Variants in PIEZO2 observed in about 807,000 individuals in gnomAD.
PIEZO2 encodes the protein piezo-type mechanosensitive ion channel component 2.
Under a neutral mutation model 337.3 loss-of-function variants are expected in PIEZO2, and 172 were observed. The observed-to-expected ratio is 0.51, with a 90% CI of 0.45 to 0.58. The LOEUF (loss-of-function observed/expected upper bound fraction) is 0.58, where lower values mean the gene tolerates loss of function less well. Among genes scored for constraint, PIEZO2 ranks in the 20% least tolerant of loss-of-function variants. The pLI, the probability that PIEZO2 is intolerant of heterozygous loss-of-function variation, is 0.00. For synonymous variants in PIEZO2, 1,251 were observed against 1,228.5 expected, an observed-to-expected ratio of 1.02 and a Z score of -0.38; for missense variants, 3,028 against 3,391.3, an observed-to-expected ratio of 0.89 and a Z score of 2.66.
intron 7 of PIEZO2, among the ~76,000 whole-genome samples, chr18:10,816,464 C>T (rs1052684958): frequency 2.0e-5 from 3 of 152,112 alleles, no homozygotes; most frequent in African/African-American, 7.2e-5. Context: ...GTAACTGAAA[C>T]TATCAATCAG....
intron 1 of PIEZO2, among the ~76,000 whole-genome samples, chr18:11,075,547 C>T (rs2038500254): frequency 6.6e-6 from 1 of 152,194 alleles, no homozygotes; most frequent in African/African-American, 2.4e-5. Context: ...TTCTCTTCCT[C>T]TCCCCCTCTA....
At position 10,714,781 on chromosome 18, in the gene PIEZO2, T is replaced by C. The variant is rs1185895860; in HGVS notation, c.5406A>G (p.Ser1802=). The C allele has an allele frequency of 6.5e-7, 1 of 1,537,208 alleles. No individual in the cohort carries two copies. Among genetic ancestry groups the C allele is most frequent in the South Asian group, 1.2e-5 (1 of 84,040 alleles). The change falls in exon 39 of 56, where the codon TCA becomes TCG. Residue 1802 remains serine, a synonymous_variant. Transcript: ENST00000674853. ...QTAHRMDSLD[S]HDSISSCYTE... ...TGAAATACCTGGAGATACTGTCATG[T>C]GAATCTAAACTATCCATCCTGTGGG... is the stretch of plus-strand genomic sequence containing the variant.
rs1483520376 is a variant in PIEZO2, at chr18:10,773,586, G to A, written c.2611C>T (p.His871Tyr). 21 of 1,537,354 alleles carry A rather than the reference G, an allele frequency of 1.4e-5. No homozygotes were observed. Among genetic ancestry groups the A allele is most frequent in the Non-Finnish European group, 1.6e-5 (18 of 1,146,954 alleles). The part of the protein sequence containing the change: ...EGSLPDLTMM[H>Y]LTASLEKPEV... ...GGCTTCTCCAGGCTGGCAGTCAGAT[G>A]CATCATGGTGAGGTCCGGGAGGCTT... The change falls in exon 20 of 56, where the codon CAT becomes TAT. Residue 871 changes from histidine to tyrosine, a missense_variant. By Grantham distance (83) the His-to-Tyr change is moderately conservative. Coordinates refer to ENST00000674853, the MANE Select transcript of PIEZO2 (RefSeq NM_001378183.1). The surrounding 1 kb of genome is among the most constrained non-coding windows in gnomAD (Gnocchi z 5.3).
At position 10,963,620 on chromosome 18, in the gene PIEZO2, G is replaced by A. The variant is rs530802889; in HGVS notation, c.286+15915C>T. On this transcript the variant is annotated intron_variant, in intron 3 of 55. Transcript: ENST00000674853. ...TTTCCTACTGACTTAATTCATGGTAGAGTGAGAGACAAAGAGCACCTATAA... is the reference window on the plus strand; with the variant it reads ...TTTCCTACTGACTTAATTCATGGTAAAGTGAGAGACAAAGAGCACCTATAA... 2.0e-5 allele frequency among the ~76,000 whole-genome samples: 3 copies of A among 152,320 alleles called. No homozygotes were observed. In the South Asian group the frequency reaches 6.2e-4, roughly 32 times the overall value.
In PIEZO2 at chr18:10,759,659, ATG is replaced by A; in HGVS notation, c.3655+44_3655+45del. 6.5e-7 allele frequency: 1 copy of A among 1,536,372 alleles called. No individual in the cohort carries two copies. The highest frequency in any genetic ancestry group is 1.4e-5 in the African/African-American group (1 of 73,138). Reference sequence around the variant, plus strand: ...TCTTCTCCCAGCCGTCCGCTCAGTAATGGCTTCTTCTAAAAGTAGACGGCTCA... The same window carrying A: ...TCTTCTCCCAGCCGTCCGCTCAGTAAGCTTCTTCTAAAAGTAGACGGCTCA... On this transcript the variant is annotated intron_variant, in intron 25 of 55. Transcript: ENST00000674853. This position sits in a 1 kb window ranked among gnomAD's most constrained non-coding sequence, Gnocchi z 5.5.
chr18:10,893,088 C>T (rs913090099), intron 4 of PIEZO2, among the ~76,000 whole-genome samples: 1 of 152,072 alleles, frequency 6.6e-6, no homozygotes, highest in Non-Finnish European at 1.5e-5. Context: ...GTTTCTACTG[C>T]GAATCCCTTT....
Position 10,837,753 on chromosome 18 carries a change from T to G in PIEZO2, c.917+17600A>C, listed in dbSNP as rs1481013867. 3.3e-5 allele frequency among the ~76,000 whole-genome samples: 5 copies of G among 149,994 alleles called. No individual in the cohort carries two copies. Among genetic ancestry groups the G allele is most frequent in the Admixed American group, 3.3e-4 (5 of 15,122 alleles). On this transcript the variant is annotated intron_variant, in intron 7 of 55. Transcript: ENST00000674853. The surrounding 1 kb of genome is among the most constrained non-coding windows in gnomAD (Gnocchi z 4.4). Reference sequence around the variant, plus strand: ...TTTTATAAAATTTCCTCATTTTTTTTTGTTGTTGTTGTTGTTGAGATGAAG... The same window carrying G: ...TTTTATAAAATTTCCTCATTTTTTTGTGTTGTTGTTGTTGTTGAGATGAAG...
intron 40 of PIEZO2, among the ~76,000 whole-genome samples, chr18:10,706,569 G>C (rs1361535957): frequency 6.6e-6 from 1 of 152,190 alleles, no homozygotes; most frequent in African/African-American, 2.4e-5. Context: ...TCTTTGAGTA[G>C]TCCTTTTCCA....
chr18:11,048,349 C>T lies in PIEZO2; in HGVS notation c.160+17778G>A, dbSNP rs981578243. Among the ~76,000 whole-genome samples the T allele has an allele frequency of 2.1e-4, 32 of 152,188 alleles. No individual in the cohort carries two copies. The highest frequency in any genetic ancestry group is 2.9e-5 in the Non-Finnish European group (2 of 68,034). ...GGTTACTCATGGCTCTGGGGCCAAG[C>T]GGACTGCCTGGCCCATTTCAGACAC... On this transcript the variant is annotated intron_variant, in intron 2 of 55. Coordinates refer to ENST00000674853, the MANE Select transcript of PIEZO2 (RefSeq NM_001378183.1). This position sits in a 1 kb window ranked among gnomAD's most constrained non-coding sequence, Gnocchi z 4.5.
chr18:10,765,552 C>T (rs2038317544), intron 21 of PIEZO2, among the ~76,000 whole-genome samples: 1 of 152,036 alleles, frequency 6.6e-6, no homozygotes, highest in African/African-American at 2.4e-5. Flanking sequence ...AAGGATTGGG[C>T]AAAGCTGGGA....
chr18:10,725,034 G>A lies in PIEZO2; in HGVS notation c.5029+6373C>T, dbSNP rs150214931. 81 of 1,582,144 alleles carry A rather than the reference G, an allele frequency of 5.1e-5. No homozygotes were observed. In the African/African-American group the frequency reaches 8.6e-4, roughly 17 times the overall value. On this transcript the variant is annotated intron_variant, in intron 36 of 55. Coordinates refer to ENST00000674853, the MANE Select transcript of PIEZO2 (RefSeq NM_001378183.1). The stretch of plus-strand genomic sequence containing the variant: ...ATAGTGCCAGCAAGAGCCCCTGCAT[G>A]TTGGTGGCCCTGCGGCCAACCAACG...
At chr18:10,680,082 G>T in intron 52 of PIEZO2, 117 bp downstream of exon 52, 1 of 853,500 alleles carries the variant, frequency 1.2e-6, no homozygotes, top group Non-Finnish European at 1.8e-6. Flanking sequence ...TAATGATAAA[G>T]TAAGATCCAC....
intron 3 of PIEZO2, among the ~76,000 whole-genome samples, chr18:10,933,216 A>T (rs1242803082): frequency 6.6e-6 from 1 of 152,180 alleles, no homozygotes; most frequent in Admixed American, 6.5e-5. Context: ...CGGTTAAAAA[A>T]AAAAGATACC....
At chr18:10,832,809 G>T (rs1291726197) in intron 7 of PIEZO2, among the ~76,000 whole-genome samples, 2 of 152,178 alleles carry the variant, frequency 1.3e-5, no homozygotes, top group African/African-American at 4.8e-5. Context: ...CCGGGCCATG[G>T]ACATTCCGGG....
chr18:10,685,701 T>C (rs1344098397), intron 49 of PIEZO2, among the ~76,000 whole-genome samples: 2 of 152,176 alleles, frequency 1.3e-5, no homozygotes, highest in Non-Finnish European at 2.9e-5. Flanking sequence ...TCAGGGGCTT[T>C]TGTGATTTGG....
In PIEZO2 at chr18:10,943,901, GC is replaced by G. The variant is rs1243595081; in HGVS notation, c.287-32674del. Among the ~76,000 whole-genome samples, 1 of 152,072 alleles carries G rather than the reference GC, an allele frequency of 6.6e-6. No homozygotes were observed. Among genetic ancestry groups the G allele is most frequent in the Non-Finnish European group, 1.5e-5 (1 of 68,026 alleles). ...TGAATGGGTCTCACGAGATCTGATGGCTTTAAAAATGGGAGTTTCTCTGAAC... is the reference window on the plus strand; with the variant it reads ...TGAATGGGTCTCACGAGATCTGATGGTTTAAAAATGGGAGTTTCTCTGAAC... On this transcript the variant is annotated intron_variant, in intron 3 of 55. Coordinates refer to ENST00000674853, the MANE Select transcript of PIEZO2 (RefSeq NM_001378183.1). The surrounding 1 kb of genome is among the most constrained non-coding windows in gnomAD (Gnocchi z 4.5).
Position 10,682,068 on chromosome 18 carries a change from C to T in PIEZO2, c.7686+36G>A. Reference sequence around the variant, plus strand: ...TATCATAAAGGAATGTGGCGTGGGGCAAGGCTCTGGTAGGTGGGGTGTGCA... The same window carrying T: ...TATCATAAAGGAATGTGGCGTGGGGTAAGGCTCTGGTAGGTGGGGTGTGCA... On this transcript the variant is annotated intron_variant, in intron 50 of 55. Transcript: ENST00000674853. This position sits in a 1 kb window ranked among gnomAD's most constrained non-coding sequence, Gnocchi z 5.6. The T allele has an allele frequency of 6.6e-7, 1 of 1,506,770 alleles. No individual in the cohort carries two copies. Among genetic ancestry groups the T allele is most frequent in the Non-Finnish European group, 8.9e-7 (1 of 1,128,156 alleles). The allele number at this position is 1,506,770 out of a possible 1,614,324, so 93.3% of individuals were successfully genotyped here.
In PIEZO2 at chr18:10,855,391, G is replaced by T; in HGVS notation, c.879C>A (p.Phe293Leu). The change falls in exon 7 of 56, where the codon TTC becomes TTA. Residue 293 changes from phenylalanine (F) to leucine (L), a missense_variant. Coordinates refer to ENST00000674853, the MANE Select transcript of PIEZO2 (RefSeq NM_001378183.1). The surrounding 1 kb of genome is among the most constrained non-coding windows in gnomAD (Gnocchi z 4.9). ...LIGLYLYQFQ[F>L]FQEAVPPNDY... ...CATTGGGTGGAACTGCCTCTTGAAAGAATTGGAACTGGTATAAATAAAGTC... is the reference window on the plus strand; with the variant it reads ...CATTGGGTGGAACTGCCTCTTGAAATAATTGGAACTGGTATAAATAAAGTC... The T allele has an allele frequency of 6.5e-7, 1 of 1,537,030 alleles. No individual in the cohort carries two copies. The highest frequency in any genetic ancestry group is 8.7e-7 in the Non-Finnish European group (1 of 1,146,728).
chr18:10,684,230 A>G (rs1402527834), intron 49 of PIEZO2, among the ~76,000 whole-genome samples: 1 of 110,210 alleles, frequency 9.1e-6, no homozygotes, highest in African/African-American at 3.6e-5. Context: ...CAGTGGCGCG[A>G]TCTTGGCTCA....
Sources: gnomAD v4.1 joint callset for allele counts (sites outside exome capture counted in the v4.1 genomes callset) on GRCh38, gnomAD v4.1.1 for gene constraint, Gnocchi (gnomAD v3.1) non-coding constraint, MANE v1.5 for transcripts, NCBI Gene and HGNC (gene_info 2026-07-23, HGNC 2026-07-21) for gene names.